Variants in RYR1 observed in about 807,000 individuals in gnomAD.
The protein encoded by RYR1 is central core disease of muscle.
RYR1 carries 342 observed loss-of-function variants against 583.5 expected under a neutral mutation model. The observed-to-expected ratio is 0.59, with a 90% CI of 0.54 to 0.64. RYR1 has a LOEUF of 0.64. RYR1 is among the 30% of genes least tolerant of loss of function. The pLI is 0.00. For missense variants in RYR1, 6,032 were observed against 6,917.2 expected (o/e 0.87, Z 4.54); for synonymous variants, 2,791 against 2,822.5 (o/e 0.99, Z 0.35).
chr19:38,440,901 C>G (rs375285862), intron 2 of RYR1, 37 bp downstream of exon 2: 1 of 1,594,096 alleles, frequency 6.3e-7, no homozygotes, highest in Non-Finnish European at 8.6e-7. Flanking sequence ...GGGACAGGGG[C>G]GTCTGAAGGG....
At chr19:38,586,230 A>G in intron 104 of RYR1, 39 bp downstream of exon 104, 1 of 1,569,342 alleles carries the variant, frequency 6.4e-7, no homozygotes, top group Non-Finnish European at 8.7e-7. Flanking sequence ...GGTGGGGGGC[A>G]TGGCTGCCAA....
rs75563090 is a variant in RYR1, at chr19:38,494,668, G to A, written c.6548+43G>A. ...CCCCTTACTTTGCATATCCCCTTGG[G>A]TAATGAATACCCTCAGGATACAATA... On this transcript the variant is annotated intron_variant, in intron 39 of 105. Coordinates refer to ENST00000359596, the MANE Select transcript of RYR1 (RefSeq NM_000540.3). 57,928 of 1,609,796 alleles carry A rather than the reference G, an allele frequency of 0.036. 1,369 individuals are homozygous for A. The highest frequency in any genetic ancestry group is 0.039 in the Middle Eastern group (236 of 6,002).
At position 38,504,433 on chromosome 19, in the gene RYR1, A is replaced by T. The variant is rs1421333262; in HGVS notation, c.8067+73A>T. 8.9e-6 allele frequency: 14 copies of T among 1,572,052 alleles called. No individual in the cohort carries two copies. The Middle Eastern group carries it at 5.2e-4, about 59-fold the overall frequency. On this transcript the variant is annotated intron_variant, in intron 50 of 105. Coordinates refer to ENST00000359596, the MANE Select transcript of RYR1 (RefSeq NM_000540.3). ...GCCCAAAATTGGGGGTCCAGAGTGA[A>T]ATCCCTCAATTTTGGGGGGTTCAAG...
rs532677314 is a variant in RYR1 at position 38,565,843 on chromosome 19, G to T, written c.13437+72G>T. 138 of 1,344,644 alleles carry T rather than the reference G, an allele frequency of 1.0e-4. No individual in the cohort carries two copies. In the African/African-American group the frequency reaches 1.6e-3, roughly 16 times the overall value. The allele number at this position is 1,344,644 out of a possible 1,614,324, so 83.3% of individuals were successfully genotyped here. On this transcript the variant is annotated intron_variant, in intron 91 of 105. Coordinates refer to ENST00000359596, the MANE Select transcript of RYR1 (RefSeq NM_000540.3). The surrounding 1 kb of genome is among the most constrained non-coding windows in gnomAD (Gnocchi z 4.7). ...GGAGGGAGGAAGAGAGCCCGGCTGG[G>T]TGGAGACACACACAGAGGAGAGAAC...
chr19:38,473,808 T>A, intron 28 of RYR1, 37 bp downstream of exon 28: 2 of 1,449,246 alleles, frequency 1.4e-6, no homozygotes, highest in Non-Finnish European at 1.8e-6. Flanking sequence ...GATTGGGGGC[T>A]GCCTTGGGAC....
At position 38,500,967 on chromosome 19, in the gene RYR1, A is replaced by C; in HGVS notation, c.7591A>C (p.Arg2531=). ...GGACGTGGGGTTCCTGCCCGACATG[A>C]GGGCAGCCGCCTCGCTGGACACGGT... ...VLDVGFLPDM[R]AAASLDTATF... is the part of the protein sequence containing the mutation. The change falls in exon 47 of 106, where the codon AGG becomes CGG. Residue 2531 remains arginine, a synonymous_variant. Coordinates refer to ENST00000359596, the MANE Select transcript of RYR1 (RefSeq NM_000540.3). This position sits in a 1 kb window ranked among gnomAD's most constrained non-coding sequence, Gnocchi z 5.9. 6.2e-7 allele frequency: 1 copy of C among 1,610,236 alleles called. No individual in the cohort carries two copies.
chr19:38,576,040 G>GGCA, intron 97 of RYR1, 79 bp downstream of exon 97: 1 of 1,541,572 alleles, frequency 6.5e-7, no homozygotes, highest in South Asian at 1.1e-5. Flanking sequence ...CCAAGCACTT[G>GGCA]CTTGGTGTGT....
chr19:38,518,393 C>CT (rs1336563712), intron 66 of RYR1, among the ~76,000 whole-genome samples: 1 of 121,132 alleles, frequency 8.3e-6, no homozygotes. Flanking sequence ...AACCTCGTCT[C>CT]TATTATTTAA....
chr19:38,478,299 C>A (rs1053359090), intron 30 of RYR1, 136 bp from the exon 31 acceptor site: 1 of 944,098 alleles, frequency 1.1e-6, no homozygotes, highest in Non-Finnish European at 1.6e-6. Context: ...GGGGTTTCAG[C>A]TCTCAGGTCT....
intron 28 of RYR1, 56 bp downstream of exon 28, chr19:38,473,827 A>G: frequency 7.6e-7 from 1 of 1,307,842 alleles, no homozygotes; most frequent in East Asian, 2.5e-5. Flanking sequence ...ACCCCCAAGT[A>G]GGCAACCACA....
chr19:38,565,702 C>A lies in RYR1; in HGVS notation c.13368C>A (p.Asp4456Glu). The part of the protein sequence containing the change: ...FRPEGAGGLG[D>E]MGDTTPAEPP... ...CCGAAGGGGCTGGCGGTCTCGGGGACATGGGGGACACGACGCCTGCGGAAC... is the reference window on the plus strand; with the variant it reads ...CCGAAGGGGCTGGCGGTCTCGGGGAAATGGGGGACACGACGCCTGCGGAAC... Residue 4456 changes from aspartate to glutamate, a missense_variant, in exon 91 of 106, where the codon GAC (aspartate) becomes GAA (glutamate). Around this residue, in one of 11 missense-constraint regions of RYR1, gnomAD observed 753 missense variants for 759.6 expected, o/e 0.99. Transcript: ENST00000359596. The surrounding 1 kb of genome is among the most constrained non-coding windows in gnomAD (Gnocchi z 4.7). 1 of 1,421,778 alleles carries A rather than the reference C, an allele frequency of 7.0e-7. No homozygotes were observed. Among genetic ancestry groups the A allele is most frequent in the Non-Finnish European group, 9.1e-7 (1 of 1,096,200 alleles). 88.1% of individuals were successfully genotyped at this position (1,421,778 alleles called of 1,614,324 possible).
At chr19:38,528,209 G>A (rs1350722026) in intron 73 of RYR1, 97 bp from the exon 74 acceptor site, 1 of 1,014,454 alleles carries the variant, frequency 9.9e-7, no homozygotes, top group South Asian at 1.3e-5. Context: ...GTCTTAACCT[G>A]AATATGGACT....
At chr19:38,438,646 T>C (rs1016318249) in intron 1 of RYR1, among the ~76,000 whole-genome samples, 6 of 105,704 alleles carry the variant, frequency 5.7e-5, no homozygotes, top group African/African-American at 2.2e-4. Flanking sequence ...TGAGATGGAG[T>C]CTCGCTCTGT....
intron 73 of RYR1, 94 bp downstream of exon 73, chr19:38,527,878 CTATT>C: frequency 1.3e-6 from 2 of 1,485,234 alleles, no homozygotes; most frequent in Non-Finnish European, 1.9e-6. Context: ...CTGGAGATGA[CTATT>C]AAGTTTTGGG....
intron 29 of RYR1, among the ~76,000 whole-genome samples, chr19:38,477,082 G>C (rs1351505849): frequency 6.6e-6 from 1 of 151,090 alleles, no homozygotes. Context: ...AGAAGAAGAA[G>C]GAAAGAAAAA....
In RYR1 at chr19:38,543,593, A is replaced by C; in HGVS notation, c.11840A>C (p.Lys3947Thr). 6.2e-7 allele frequency: 1 copy of C among 1,614,226 alleles called. No individual in the cohort carries two copies. The highest frequency in any genetic ancestry group is 8.5e-7 in the Non-Finnish European group (1 of 1,180,036). ...AAGGATGTCATTGAAGAGCAGGGCA[A>C]GAGGAACTTCTCCAAAGCCATGTCG... ...SGKDVIEEQG[K>T]RNFSKAMSVA... Residue 3947 changes from lysine to threonine, a missense_variant, in exon 86 of 106, where the codon AAG becomes ACG. By Grantham distance (78) the Lys-to-Thr change is moderately conservative. This residue lies in a region of RYR1 where 82 missense variants were observed against 139.7 expected (regional missense o/e 0.59). Coordinates refer to ENST00000359596, the MANE Select transcript of RYR1 (RefSeq NM_000540.3). The surrounding 1 kb of genome is among the most constrained non-coding windows in gnomAD (Gnocchi z 4.4).
chr19:38,536,704 C>T (rs1971984492), intron 82 of RYR1, 46 bp from the exon 83 acceptor site: 2 of 1,612,722 alleles, frequency 1.2e-6, no homozygotes, highest in African/African-American at 1.3e-5. Context: ...CTCTCTTTTT[C>T]TCTCTTTTCT....
At chr19:38,506,749 C>T in intron 56 of RYR1, 80 bp from the exon 57 acceptor site, 1 of 1,600,442 alleles carries the variant, frequency 6.2e-7, no homozygotes. Context: ...ATTACGCATG[C>T]CGGGCACTGC....
intron 1 of RYR1, 84 bp from the exon 2 acceptor site, chr19:38,440,661 G>A (rs1025780255): frequency 6.5e-7 from 1 of 1,528,074 alleles, no homozygotes; most frequent in Non-Finnish European, 9.0e-7. Context: ...ATAAGGACCA[G>A]GGTGGGAGGA....
Sources: allele counts gnomAD v4.1 joint callset (sites outside exome capture counted in the v4.1 genomes callset), GRCh38; gene constraint gnomAD v4.1.1; regional missense constraint gnomAD v4.1.1; non-coding constraint Gnocchi (gnomAD v3.1); transcripts MANE v1.5; gene names NCBI Gene and HGNC (gene_info 2026-07-23, HGNC 2026-07-21).